Variants in FGF12 observed in about 807,000 individuals in gnomAD.
The protein encoded by FGF12 is fibroblast growth factor 12.
FGF12 carries 14 observed loss-of-function variants against 23.6 expected under a neutral mutation model. The observed-to-expected ratio is 0.59, with a 90% CI of 0.39 to 0.93. The LOEUF (loss-of-function observed/expected upper bound fraction) is 0.93, where lower values mean the gene tolerates loss of function less well. Among genes scored for constraint, FGF12 ranks in the 40% least tolerant of loss-of-function variants. The pLI, the probability that FGF12 is intolerant of heterozygous loss-of-function variation, is 0.00. For synonymous variants in FGF12, 62 were observed against 77.3 expected (o/e 0.80, Z 1.04); for missense variants, 175 against 217.8 (o/e 0.80, Z 1.24).
rs540497516 is a variant in FGF12, at chr3:192,679,414, A to G, written c.13+47767T>C. 6.7e-4 allele frequency among the ~76,000 whole-genome samples: 102 copies of G among 152,270 alleles called. 1 individual carries two copies. In the South Asian group the frequency reaches 0.019, roughly 28 times the overall value. ...GGAGTTCAAGACCAGCCTGGACAAGATGGCAAAAGCCCATCTCTACAAAGA... is the reference window on the plus strand; with the variant it reads ...GGAGTTCAAGACCAGCCTGGACAAGGTGGCAAAAGCCCATCTCTACAAAGA... On this transcript the variant is annotated intron_variant, in intron 2 of 5. Coordinates refer to ENST00000445105, the MANE Select transcript of FGF12 (RefSeq NM_004113.6).
At chr3:192,696,501 A>G (rs953796725) in intron 2 of FGF12, among the ~76,000 whole-genome samples, 3 of 152,146 alleles carry the variant, frequency 2.0e-5, no homozygotes, top group Admixed American at 6.6e-5. Flanking sequence ...TTTTCTTTCA[A>G]AAGCTAGTAC....
At chr3:192,200,786 T>C (rs1014040316) in intron 4 of FGF12, among the ~76,000 whole-genome samples, 5 of 152,188 alleles carry the variant, frequency 3.3e-5, no homozygotes, top group African/African-American at 1.2e-4. Context: ...TTAGTTTCTC[T>C]AGCAAGGCCT....
At chr3:192,164,048 G>A (rs1715024327) in intron 5 of FGF12, among the ~76,000 whole-genome samples, 1 of 151,870 alleles carries the variant, frequency 6.6e-6, no homozygotes, top group African/African-American at 2.4e-5. Flanking sequence ...TTTTCAGAAG[G>A]GAAGAACCAG....
chr3:192,417,623 G>A (rs1295765557), intron 2 of FGF12, among the ~76,000 whole-genome samples: 1 of 152,090 alleles, frequency 6.6e-6, no homozygotes, highest in East Asian at 1.9e-4. Flanking sequence ...TTTGATCTCT[G>A]ATAGCATCAG....
intron 4 of FGF12, among the ~76,000 whole-genome samples, chr3:192,180,609 A>T (rs1483459280): frequency 6.6e-6 from 1 of 152,214 alleles, no homozygotes; most frequent in Non-Finnish European, 1.5e-5. Context: ...CTTTTTGGAA[A>T]GTCACATTTC....
chr3:192,556,381 A>G (rs1711776466), intron 2 of FGF12, among the ~76,000 whole-genome samples: 1 of 152,166 alleles, frequency 6.6e-6, no homozygotes. Flanking sequence ...TATTTATTTA[A>G]GGCAAAATAG....
In FGF12 at chr3:192,422,184, T is replaced by C. The variant is rs140956508; in HGVS notation, c.14-61646A>G. ...TAGTGAGGAGAGTCAACAGAGGAAATACATTCTAATGGATTTGTTTCTAGC... is the reference window on the plus strand; with the variant it reads ...TAGTGAGGAGAGTCAACAGAGGAAACACATTCTAATGGATTTGTTTCTAGC... On this transcript the variant is annotated intron_variant, in intron 2 of 5. Coordinates refer to ENST00000445105, the MANE Select transcript of FGF12 (RefSeq NM_004113.6). Among the ~76,000 whole-genome samples, 199 of 152,184 alleles carry C rather than the reference T, an allele frequency of 1.3e-3. 1 individual carries two copies. Among genetic ancestry groups the C allele is most frequent in the African/African-American group, 4.6e-3 (190 of 41,528 alleles).
intron 2 of FGF12, among the ~76,000 whole-genome samples, chr3:192,691,841 A>C (rs1717953433): frequency 6.8e-6 from 1 of 147,966 alleles, no homozygotes; most frequent in Non-Finnish European, 1.5e-5. Context: ...AAACATTACA[A>C]TAAATGCCTC....
intron 4 of FGF12, among the ~76,000 whole-genome samples, chr3:192,314,664 G>A (rs558715947): frequency 2.0e-5 from 3 of 152,294 alleles, no homozygotes; most frequent in African/African-American, 4.8e-5. Flanking sequence ...TTAAACCATT[G>A]TTATGGGCAT....
intron 2 of FGF12, among the ~76,000 whole-genome samples, chr3:192,611,033 T>G (rs1714532055): frequency 6.6e-6 from 1 of 152,064 alleles, no homozygotes; most frequent in Admixed American, 6.6e-5. Context: ...ACATTTTAAC[T>G]TCTGTAAGGG....
At chr3:192,358,655 T>C (rs13098122) in intron 3 of FGF12, among the ~76,000 whole-genome samples, 1,542 of 152,228 alleles carry the variant, frequency 0.01, 7 homozygotes, top group Middle Eastern at 0.027. Flanking sequence ...AAGGAAGGAT[T>C]TGTCCTAGCT....
At chr3:192,622,842 T>C (rs1715024910) in intron 2 of FGF12, among the ~76,000 whole-genome samples, 1 of 152,178 alleles carries the variant, frequency 6.6e-6, no homozygotes, top group African/African-American at 2.4e-5. Flanking sequence ...TTTGTTGTTT[T>C]CTTAGGGTGG....
intron 2 of FGF12, among the ~76,000 whole-genome samples, chr3:192,590,967 C>T (rs1440752149): frequency 6.6e-6 from 1 of 151,744 alleles, no homozygotes; most frequent in Non-Finnish European, 1.5e-5. Flanking sequence ...CTCTTCCTCC[C>T]ATGCATATCA....
chr3:192,360,449 T>C lies in FGF12; in HGVS notation c.103A>G (p.Lys35Glu). 1.2e-6 allele frequency: 2 copies of C among 1,613,152 alleles called. No individual in the cohort carries two copies. The highest frequency in any genetic ancestry group is 1.7e-6 in the Non-Finnish European group (2 of 1,179,122). Residue 35 changes from lysine (K) to glutamate (E), a missense_variant, in exon 3 of 6, where the codon AAG becomes GAG. Coordinates refer to ENST00000445105, the MANE Select transcript of FGF12 (RefSeq NM_004113.6). The surrounding 1 kb of genome is among the most constrained non-coding windows in gnomAD (Gnocchi z 4.3). Reference protein sequence around the residue: ...MHPDGTIDGTKDENSDYTLFN... With the variant: ...MHPDGTIDGTEDENSDYTLFN... Reference sequence around the variant, plus strand: ...TTACTGTAGTCGCTGTTTTCGTCCTTGGTCCCATCAATGGTACCATCTGGG... The same window carrying C: ...TTACTGTAGTCGCTGTTTTCGTCCTCGGTCCCATCAATGGTACCATCTGGG...
intron 2 of FGF12, among the ~76,000 whole-genome samples, chr3:192,665,863 C>A (rs1251325521): frequency 6.6e-6 from 1 of 152,130 alleles, no homozygotes; most frequent in Non-Finnish European, 1.5e-5. Context: ...ATATTCAATT[C>A]AATTAGTTAT....
intron 2 of FGF12, among the ~76,000 whole-genome samples, chr3:192,666,916 ATGAT>A (rs1716893367): frequency 8.5e-6 from 1 of 118,010 alleles, no homozygotes; most frequent in Non-Finnish European, 1.7e-5. Context: ...GGATAGATAG[ATGAT>A]AGATAGATAG....
intron 4 of FGF12, among the ~76,000 whole-genome samples, chr3:192,239,717 C>A (rs1456995438): frequency 6.6e-6 from 1 of 152,158 alleles, no homozygotes; most frequent in Non-Finnish European, 1.5e-5. Flanking sequence ...CTAACCAATG[C>A]CTGTAAATCT....
intron 4 of FGF12, among the ~76,000 whole-genome samples, chr3:192,178,288 C>A (rs549707342): frequency 3.3e-5 from 5 of 152,052 alleles, no homozygotes; most frequent in South Asian, 4.2e-4. Flanking sequence ...AAAAATAGAG[C>A]TTTCCTACCA....
At chr3:192,474,839 C>T (rs1037041984) in intron 2 of FGF12, among the ~76,000 whole-genome samples, 4 of 147,544 alleles carry the variant, frequency 2.7e-5, no homozygotes, top group East Asian at 2.0e-4. Flanking sequence ...AAGCTGAGAT[C>T]GTGCCATTGT....
Sources: allele counts gnomAD v4.1 joint callset (sites outside exome capture counted in the v4.1 genomes callset), GRCh38; gene constraint gnomAD v4.1.1; non-coding constraint Gnocchi (gnomAD v3.1); transcripts MANE v1.5; gene names NCBI Gene and HGNC (gene_info 2026-07-23, HGNC 2026-07-21).